GLIS2: variants seen among roughly 807,000 people sequenced by gnomAD.
GLIS2 encodes GLIS family zinc finger 2.
GLIS2 carries 14 observed loss-of-function variants against 35.6 expected under a neutral mutation model. That is an observed-to-expected ratio of 0.39 (90% confidence interval 0.26 to 0.61). The LOEUF is 0.61. Among genes scored for constraint, GLIS2 ranks in the 20% least tolerant of loss-of-function variants. GLIS2 has a pLI of 0.48. For synonymous variants in GLIS2, 368 were observed against 325.1 expected (o/e 1.13, Z -1.42); for missense variants, 675 against 713.4 (o/e 0.95, Z 0.61).
At chr16:4,319,505 A>T (rs913704413) in intron 1 of GLIS2, among the ~76,000 whole-genome samples, 13 of 151,966 alleles carry the variant, frequency 8.6e-5, no homozygotes, top group Non-Finnish European at 1.2e-4. Flanking sequence ...CGTCTCTGGG[A>T]ACTTGCGCCC....
chr16:4,334,612 G>A (rs1357471035), intron 3 of GLIS2, among the ~76,000 whole-genome samples, 189 bp from the exon 4 acceptor site: 1 of 151,660 alleles, frequency 6.6e-6, no homozygotes, highest in Non-Finnish European at 1.5e-5. Flanking sequence ...CCCTAATCTA[G>A]TGTGACCTCA....
rs753934803 is a variant in GLIS2 at position 4,339,170 on chromosome 16, A to C, written c.*1646A>C. On this transcript the variant is annotated 3_prime_UTR_variant, in exon 7 of 7. Coordinates refer to ENST00000433375, the MANE Select transcript of GLIS2 (RefSeq NM_032575.3). ...ACTGGCTCTGCCCCTCGAAGGGGCT[A>C]TGAGCAAGGTAGGAGGGAGCTGGTC... 10 of 152,366 alleles carry C rather than the reference A, an allele frequency of 6.6e-5. No individual in the cohort carries two copies. The highest frequency in any genetic ancestry group is 1.7e-4 in the African/African-American group (7 of 41,450). 9.4% of individuals were successfully genotyped at this position (152,366 alleles called of 1,614,324 possible).
At chr16:4,316,892 C>A (rs2053319377) in intron 1 of GLIS2, among the ~76,000 whole-genome samples, 1 of 152,166 alleles carries the variant, frequency 6.6e-6, no homozygotes, top group South Asian at 2.1e-4. Flanking sequence ...GCAAGGGGTC[C>A]ATACTCGCCG....
intron 2 of GLIS2, among the ~76,000 whole-genome samples, chr16:4,333,138 G>A (rs570937209): frequency 3.9e-5 from 6 of 152,158 alleles, no homozygotes; most frequent in African/African-American, 9.7e-5. Context: ...CCCGGCTCAC[G>A]GGGGCCAAGC....
chr16:4,335,325 G>A lies in GLIS2; in HGVS notation c.707G>A (p.Arg236His), dbSNP rs372555307. The change falls in exon 6 of 7, where the codon CGC (arginine) becomes CAC (histidine). Residue 236 changes from arginine (R) to histidine (H), a missense_variant. Physicochemically the swap from Arg to His is conservative, Grantham distance 29. This residue lies in a region of GLIS2 where 133 missense variants were observed against 191.4 expected (regional missense o/e 0.69). Transcript: ENST00000433375. This position sits in a 1 kb window ranked among gnomAD's most constrained non-coding sequence, Gnocchi z 4.6. ...ACACACACCAACGAGAAGCCACACC[G>A]CTGTCCGACCTGCAGCAAGAGCTTC... ...IRTHTNEKPH[R>H]CPTCSKSFSR... The A allele has an allele frequency of 2.5e-5, 41 of 1,613,716 alleles. No homozygotes were observed. The highest frequency in any genetic ancestry group is 3.3e-5 in the South Asian group (3 of 91,082).
At position 4,337,646 on chromosome 16, in the gene GLIS2, G is replaced by A. The variant is rs577862116; in HGVS notation, c.*122G>A. ...TGCCCGGGCAGCCCCAGCCCAGCCCGCCGGGAGCAAGGATGGTGCTAGGTC... is the reference window on the plus strand; with the variant it reads ...TGCCCGGGCAGCCCCAGCCCAGCCCACCGGGAGCAAGGATGGTGCTAGGTC... On this transcript the variant is annotated 3_prime_UTR_variant, in exon 7 of 7. Transcript: ENST00000433375. 61 of 1,410,388 alleles carry A rather than the reference G, an allele frequency of 4.3e-5. No individual in the cohort carries two copies. The highest frequency in any genetic ancestry group is 3.2e-4 in the South Asian group (26 of 80,742). 87.4% of individuals were successfully genotyped at this position (1,410,388 alleles called of 1,614,324 possible).
chr16:4,331,520 G>T (rs1381369137), intron 1 of GLIS2: 1 of 152,630 alleles, frequency 6.6e-6, no homozygotes, highest in Non-Finnish European at 1.5e-5. Flanking sequence ...ACCCCACACC[G>T]CTATATTTCT....
rs1010527921 is a variant in GLIS2, at chr16:4,320,055, G to A, written c.-67+3801G>A. 2.6e-5 allele frequency among the ~76,000 whole-genome samples: 4 copies of A among 152,264 alleles called. No individual in the cohort carries two copies. Among genetic ancestry groups the A allele is most frequent in the Non-Finnish European group, 2.9e-5 (2 of 68,000 alleles). ...TCTTCCAGTTCGATGGCTGGGGGGC[G>A]GGTGACTTGGGCTCCTCGTGCCCTT... is the stretch of plus-strand genomic sequence containing the variant. On this transcript the variant is annotated intron_variant, in intron 1 of 6. Coordinates refer to ENST00000433375, the MANE Select transcript of GLIS2 (RefSeq NM_032575.3). The surrounding 1 kb of genome is among the most constrained non-coding windows in gnomAD (Gnocchi z 5.6).
chr16:4,333,664 AGGG>A, intron 3 of GLIS2, 145 bp downstream of exon 3: 2 of 958,056 alleles, frequency 2.1e-6, no homozygotes, highest in Non-Finnish European at 3.0e-6. Flanking sequence ...GGAAGGCTCT[AGGG>A]GAGAACCTTC....
chr16:4,316,728 C>G (rs1163898336), intron 1 of GLIS2, among the ~76,000 whole-genome samples: 3 of 152,138 alleles, frequency 2.0e-5, no homozygotes, highest in Admixed American at 6.5e-5. Context: ...GAGAGTCTCC[C>G]TCCTGCTGCC....
chr16:4,327,220 C>G (rs1002766860), intron 1 of GLIS2, among the ~76,000 whole-genome samples: 1 of 152,224 alleles, frequency 6.6e-6, no homozygotes, highest in Non-Finnish European at 1.5e-5. Flanking sequence ...CAGAGCAGGA[C>G]TCCAACCAGC....
chr16:4,318,718 C>G (rs569375918), intron 1 of GLIS2, among the ~76,000 whole-genome samples: 1 of 152,378 alleles, frequency 6.6e-6, no homozygotes, highest in South Asian at 2.1e-4. Context: ...CCCGGCCTGG[C>G]CTTGGCCCCG....
In GLIS2 at chr16:4,334,931, C is replaced by T. The variant is rs374332556; in HGVS notation, c.476C>T (p.Ser159Leu). The T allele has an allele frequency of 1.2e-4, 190 of 1,613,018 alleles. No homozygotes were observed. The highest frequency in any genetic ancestry group is 1.4e-4 in the Non-Finnish European group (160 of 1,180,040). ...ACCCCTCCCAAGGACAAGTGCCTCT[C>T]GCCAGACCTGCCCCTGCCCAAGCAG... ...FLTPPKDKCL[S>L]PDLPLPKQLV... Residue 159 changes from serine to leucine, a missense_variant, in exon 4 of 7, where the codon TCG becomes TTG. This residue lies in a region of GLIS2 where 225 missense variants were observed against 238.7 expected (regional missense o/e 0.94). Coordinates refer to ENST00000433375, the MANE Select transcript of GLIS2 (RefSeq NM_032575.3).
chr16:4,317,872 C>T (rs2053331961), intron 1 of GLIS2, among the ~76,000 whole-genome samples: 2 of 152,202 alleles, frequency 1.3e-5, no homozygotes, highest in South Asian at 2.1e-4. Flanking sequence ...CCTCCCCCTC[C>T]TTTCCGGAGC....
In GLIS2 at chr16:4,320,099, G is replaced by A. The variant is rs1489024455; in HGVS notation, c.-67+3845G>A. 6.6e-6 allele frequency among the ~76,000 whole-genome samples: 1 copy of A among 152,114 alleles called. No individual in the cohort carries two copies. The highest frequency in any genetic ancestry group is 2.1e-4 in the South Asian group (1 of 4,828). On this transcript the variant is annotated intron_variant, in intron 1 of 6. Transcript: ENST00000433375. This position sits in a 1 kb window ranked among gnomAD's most constrained non-coding sequence, Gnocchi z 5.6. ...TGCCCTTTGTCTTCGGTGCTTGAGA[G>A]GCCAGGTAGTGCCCACCGCAGGGAG...
intron 1 of GLIS2, among the ~76,000 whole-genome samples, chr16:4,317,661 G>A (rs77187236): frequency 0.17 from 26,325 of 151,912 alleles, 2,836 homozygotes; most frequent in Middle Eastern, 0.25. Flanking sequence ...GGCCTGCACA[G>A]GGGGAGGGGC....
chr16:4,325,725 C>T (rs1405797819), intron 1 of GLIS2, among the ~76,000 whole-genome samples: 5 of 150,636 alleles, frequency 3.3e-5, no homozygotes, highest in East Asian at 1.9e-4. Context: ...TCCAGGAGAT[C>T]GAGACCAGCC....
At chr16:4,321,956 C>T (rs973374630) in intron 1 of GLIS2, among the ~76,000 whole-genome samples, 3 of 152,118 alleles carry the variant, frequency 2.0e-5, no homozygotes, top group Admixed American at 2.0e-4. Context: ...AAGTCTTTGC[C>T]CAGCAGGCCC....
Position 4,333,330 on chromosome 16 carries a change from C to T in GLIS2, c.173-17C>T. 1 of 1,612,606 alleles carries T rather than the reference C, an allele frequency of 6.2e-7. No homozygotes were observed. Among genetic ancestry groups the T allele is most frequent in the Non-Finnish European group, 8.5e-7 (1 of 1,179,976 alleles). On this transcript the variant is annotated splice_polypyrimidine_tract_variant and intron_variant, in intron 2 of 6. Transcript: ENST00000433375. ...ACTCTACACTCCAGCACACCCTGAACTGTGCCTCTCCCTCAGGCTTCCTGC... is the reference window on the plus strand; with the variant it reads ...ACTCTACACTCCAGCACACCCTGAATTGTGCCTCTCCCTCAGGCTTCCTGC...
Sources: allele counts gnomAD v4.1 joint callset (sites outside exome capture counted in the v4.1 genomes callset), GRCh38; gene constraint gnomAD v4.1.1; regional missense constraint gnomAD v4.1.1; non-coding constraint Gnocchi (gnomAD v3.1); transcripts MANE v1.5; gene names NCBI Gene and HGNC (gene_info 2026-07-23, HGNC 2026-07-21).